Variants in SPC25 observed in about 807,000 individuals in gnomAD.
SPC25 encodes kinetochore protein Spc25.
A neutral mutation model predicts 29.6 loss-of-function variants in SPC25; 22 were observed. The observed-to-expected ratio is 0.74, with a 90% CI of 0.53 to 1.06. The LOEUF (loss-of-function observed/expected upper bound fraction) is 1.06, where lower values mean the gene tolerates loss of function less well. Among genes scored for constraint, SPC25 ranks in the 50% least tolerant of loss-of-function variants. SPC25 has a pLI of 0.00. For missense variants in SPC25, 230 were observed against 255.8 expected (o/e 0.90, Z 0.69); for synonymous variants, 91 against 90.4 (o/e 1.01, Z -0.04).
At chr2:168,886,347 C>T (rs779186856) in intron 3 of SPC25, among the ~76,000 whole-genome samples, 8 of 151,784 alleles carry the variant, frequency 5.3e-5, no homozygotes, top group Non-Finnish European at 1.0e-4. Context: ...CTTGAGCCAT[C>T]GAGCCTGGAA....
downstream of SPC25, chr2:168,870,787 A>T (rs1370612374): frequency 6.6e-6 from 1 of 151,558 alleles, no homozygotes; most frequent in Non-Finnish European, 1.5e-5. Flanking sequence ...ACCATTGTGG[A>T]AGTTGGTGTG....
At position 168,871,551 on chromosome 2, in the gene SPC25, T is replaced by G; in HGVS notation, c.555A>C (p.Ser185=). The change falls in exon 7 of 7, where the codon TCA becomes TCC. Residue 185 remains serine, a synonymous_variant. Transcript: ENST00000282074. ...HLNEARDYEV[S]DSAPHLEGLA... is the part of the protein sequence containing the mutation. ...GGCCCTCAAGATGAGGGGCACTATC[T>G]GACACTAGAAAAAAAAAAAAAAGAA... 1 of 1,495,016 alleles carries G rather than the reference T, an allele frequency of 6.7e-7. No individual in the cohort carries two copies. The highest frequency in any genetic ancestry group is 8.8e-7 in the Non-Finnish European group (1 of 1,134,836). 92.6% of individuals were successfully genotyped at this position (1,495,016 alleles called of 1,614,324 possible). A position where few individuals can be genotyped will look rare whatever the true frequency, so the allele number is the denominator to read the frequency against.
intron 4 of SPC25, chr2:168,865,620 G>A (rs1159584482): frequency 2.6e-5 from 4 of 152,126 alleles, no homozygotes; most frequent in South Asian, 2.1e-4. Flanking sequence ...TTCTGGCCAG[G>A]GCAATCAGGC....
chr2:168,876,875 C>T (rs973675626), intron 4 of SPC25, among the ~76,000 whole-genome samples: 24 of 152,266 alleles, frequency 1.6e-4, no homozygotes, highest in South Asian at 6.2e-4. Context: ...GAACGCTTAA[C>T]ATTACCTGGC....
downstream of SPC25, among the ~76,000 whole-genome samples, chr2:168,869,994 G>C (rs1346369580): frequency 6.6e-6 from 1 of 152,136 alleles, no homozygotes; most frequent in East Asian, 1.9e-4. Context: ...GCATGGTACT[G>C]GTACCAAAAC....
intron 6 of SPC25, among the ~76,000 whole-genome samples, chr2:168,873,053 G>A (rs554494): frequency 0.31 from 47,232 of 152,086 alleles, 8,301 homozygotes; most frequent in East Asian, 0.58. Context: ...TATTATCAAT[G>A]ATATATATTC....
downstream of SPC25, chr2:168,870,854 T>C (rs1013601788): frequency 2.6e-5 from 4 of 151,454 alleles, no homozygotes; most frequent in Non-Finnish European, 5.9e-5. Flanking sequence ...CTCCCATTAT[T>C]GGGTATATAC....
rs1553539526 is a variant in SPC25, at chr2:168,889,022, C to CACATATACAT, written c.199+203_199+204insATGTATATGT. ...ATATACACATATATGTATATATATA[C>CACATATACAT]ACATATATATACATATATATATACA... On this transcript the variant is annotated intron_variant, in intron 3 of 6. Coordinates refer to ENST00000282074, the MANE Select transcript of SPC25 (RefSeq NM_020675.4). 4.6e-4 allele frequency among the ~76,000 whole-genome samples: 26 copies of CACATATACAT among 56,228 alleles called. 2 individuals carry two copies. Among genetic ancestry groups the CACATATACAT allele is most frequent in the African/African-American group, 1.6e-3 (23 of 13,996 alleles). 36.9% of individuals were successfully genotyped at this position (56,228 alleles called of 152,430 possible). A position where few individuals can be genotyped will look rare whatever the true frequency, so the allele number is the denominator to read the frequency against.
At position 168,873,593 on chromosome 2, in the gene SPC25, T is replaced by C. The variant is rs1364206832; in HGVS notation, c.542A>G (p.Asp181Gly). ...MFSLHLNEAR[D>G]YEVSDSAPHL... The stretch of plus-strand genomic sequence containing the variant: ...GAGATATTAGTACATACCTTCATAG[T>C]CCCTTGCTTCATTGAGATGTAAGGA... Residue 181 changes from aspartate (D) to glycine (G), a missense_variant, in exon 6 of 7, where the codon GAC (aspartate) becomes GGC (glycine). By Grantham distance (94) the Asp-to-Gly change is moderately conservative. Transcript: ENST00000282074. 1.2e-6 allele frequency: 2 copies of C among 1,606,326 alleles called. No individual in the cohort carries two copies. Among genetic ancestry groups the C allele is most frequent in the South Asian group, 2.2e-5 (2 of 90,878 alleles).
At chr2:168,881,353 C>T (rs1011191380) in intron 3 of SPC25, among the ~76,000 whole-genome samples, 1 of 152,220 alleles carries the variant, frequency 6.6e-6, no homozygotes, top group African/African-American at 2.4e-5. Context: ...AATGCCTGTG[C>T]ATAAACCTGG....
intron 3 of SPC25, among the ~76,000 whole-genome samples, chr2:168,882,164 TATCAA>T (rs564532380): frequency 6.6e-6 from 1 of 152,186 alleles, no homozygotes; most frequent in Non-Finnish European, 1.5e-5. Context: ...ATAAATGAAA[TATCAA>T]ATCAATGTTC....
intron 4 of SPC25, among the ~76,000 whole-genome samples, chr2:168,861,691 T>C (rs912063872): frequency 6.6e-6 from 1 of 152,218 alleles, no homozygotes; most frequent in Non-Finnish European, 1.5e-5. Context: ...ACTATTATTA[T>C]ACAATGATGT....
chr2:168,889,559 T>G, intron 1 of SPC25, 26 bp from the exon 2 acceptor site: 1 of 1,590,352 alleles, frequency 6.3e-7, no homozygotes, highest in Non-Finnish European at 8.6e-7. Flanking sequence ...ATATTGCATT[T>G]TTTAAGTTAC....
intron 6 of SPC25, 48 bp from the exon 7 acceptor site, chr2:168,871,603 T>G: frequency 2.0e-6 from 3 of 1,507,242 alleles, no homozygotes; most frequent in Non-Finnish European, 1.8e-6. Context: ...ATGAGTTTTT[T>G]TATGGCACAG....
At chr2:168,880,571 G>A (rs958450144) in intron 3 of SPC25, among the ~76,000 whole-genome samples, 2 of 152,148 alleles carry the variant, frequency 1.3e-5, no homozygotes, top group South Asian at 2.1e-4. Context: ...CTTATCATTC[G>A]TGTGTTCACT....
chr2:168,884,011 C>T (rs983252011), intron 3 of SPC25, among the ~76,000 whole-genome samples: 17 of 152,050 alleles, frequency 1.1e-4, no homozygotes, highest in African/African-American at 3.9e-4. Context: ...CCTCGTGATC[C>T]GCCTGCCTCG....
chr2:168,869,201 G>GCA (rs1176845759), downstream of SPC25, among the ~76,000 whole-genome samples: 13 of 152,048 alleles, frequency 8.5e-5, no homozygotes, highest in African/African-American at 3.1e-4. Flanking sequence ...TTGATGGGAT[G>GCA]TATCTCAAAA....
At chr2:168,874,739 T>C (rs1021898456) in intron 5 of SPC25, among the ~76,000 whole-genome samples, 1 of 152,110 alleles carries the variant, frequency 6.6e-6, no homozygotes, top group Non-Finnish European at 1.5e-5. Flanking sequence ...TCTAATGAGC[T>C]TCCTGGTAGA....
intron 3 of SPC25, among the ~76,000 whole-genome samples, chr2:168,886,552 C>A (rs1208689767): frequency 6.6e-6 from 1 of 150,568 alleles, no homozygotes; most frequent in Non-Finnish European, 1.5e-5. Flanking sequence ...TGGAGTCTTG[C>A]TCTGTCGCCC....
Sources: gnomAD v4.1 joint callset for allele counts (sites outside exome capture counted in the v4.1 genomes callset) on GRCh38, gnomAD v4.1.1 for gene constraint, MANE v1.5 for transcripts, NCBI Gene and HGNC (gene_info 2026-07-23, HGNC 2026-07-21) for gene names.